Variants in NOTCH2 observed in about 807,000 individuals in gnomAD.
NOTCH2 encodes the protein notch receptor 2, also known as neurogenic locus notch homolog protein 2.
NOTCH2 carries 29 observed loss-of-function variants against 235.8 expected under a neutral mutation model. The observed-to-expected ratio is 0.12, with a 90% CI of 0.09 to 0.17. The LOEUF (loss-of-function observed/expected upper bound fraction) is 0.17. Ranked by LOEUF, NOTCH2 falls within the 10% of genes least tolerant of loss-of-function variation. NOTCH2 has a pLI of 1.00. For synonymous variants in NOTCH2, 1,086 were observed against 1,141.5 expected, an observed-to-expected ratio of 0.95 and a Z score of 0.98; for missense variants, 2,285 against 3,150.2, an observed-to-expected ratio of 0.73 and a Z score of 6.57.
intron 5 of NOTCH2, among the ~76,000 whole-genome samples, chr1:119,975,572 G>A (rs1184649487): frequency 6.6e-6 from 1 of 151,100 alleles, no homozygotes; most frequent in East Asian, 2.0e-4. Context: ...CTTGAATCCA[G>A]GAGGCGGAGG....
At chr1:120,016,155 TCA>T (rs1286878226) in intron 2 of NOTCH2, among the ~76,000 whole-genome samples, 1 of 135,564 alleles carries the variant, frequency 7.4e-6, no homozygotes, top group Non-Finnish European at 1.6e-5. Flanking sequence ...ATACAATCTC[TCA>T]CTCTCACACA....
At chr1:119,983,751 T>C (rs782315504) in intron 5 of NOTCH2, among the ~76,000 whole-genome samples, 2 of 152,224 alleles carry the variant, frequency 1.3e-5, no homozygotes, top group African/African-American at 2.4e-5. Flanking sequence ...TTTATGCTCA[T>C]CTTGAAGTGT....
At chr1:119,958,501 A>G (rs1185206844) in intron 12 of NOTCH2, among the ~76,000 whole-genome samples, 1 of 152,244 alleles carries the variant, frequency 6.6e-6, no homozygotes, top group East Asian at 1.9e-4. Context: ...AAACAACCAC[A>G]TGGAAATTAT....
intron 2 of NOTCH2, among the ~76,000 whole-genome samples, chr1:120,006,168 T>G (rs1228579137): frequency 9.1e-4 from 138 of 152,098 alleles, no homozygotes; most frequent in Non-Finnish European, 8.3e-4. Context: ...TTCTGGGTTA[T>G]GTTCAGGTGG....
chr1:119,958,732 GTGTGTGTGTC>G (rs1296944260), intron 12 of NOTCH2, among the ~76,000 whole-genome samples: 1 of 151,882 alleles, frequency 6.6e-6, no homozygotes, highest in Non-Finnish European at 1.5e-5. Flanking sequence ...GTGTGTGTGT[GTGTGTGTGTC>G]TGTGTGTGCG....
intron 1 of NOTCH2, among the ~76,000 whole-genome samples, chr1:120,047,736 T>C (rs587671644): frequency 2.1e-4 from 31 of 149,668 alleles, no homozygotes; most frequent in African/African-American, 7.4e-4. Context: ...CTGACTATTT[T>C]TGTGCTCTTG....
At chr1:119,918,828 C>T (rs587602301) in intron 31 of NOTCH2, among the ~76,000 whole-genome samples, 2 of 152,196 alleles carry the variant, frequency 1.3e-5, no homozygotes, top group Admixed American at 1.3e-4. Context: ...GGAAATATCA[C>T]AACTTCAGTC....
chr1:119,924,009 G>A (rs751150233), intron 25 of NOTCH2, 25 bp from the exon 26 acceptor site: 1 of 1,571,492 alleles, frequency 6.4e-7, no homozygotes, highest in Non-Finnish European at 8.8e-7. Context: ...GCAGAGAACA[G>A]GCAAAAGAGC....
chr1:119,940,200 C>A (rs782540650), intron 19 of NOTCH2, among the ~76,000 whole-genome samples: 7 of 152,124 alleles, frequency 4.6e-5, no homozygotes, highest in Non-Finnish European at 1.0e-4. Context: ...TTGCATCTGA[C>A]CTTTAAAAGG....
At chr1:120,067,295 A>G (rs1400361823) in intron 1 of NOTCH2, among the ~76,000 whole-genome samples, 3 of 147,030 alleles carry the variant, frequency 2.0e-5, no homozygotes, top group Non-Finnish European at 4.5e-5. Context: ...ACACCTGTCT[A>G]AAAATCAAAA....
chr1:120,023,204 G>A (rs1339368249), intron 2 of NOTCH2, among the ~76,000 whole-genome samples: 6 of 151,302 alleles, frequency 4.0e-5, no homozygotes, highest in Non-Finnish European at 5.9e-5. Flanking sequence ...TTGGGAGGCC[G>A]AGGCGGGCAG....
At chr1:119,974,218 C>T (rs782319665) in intron 5 of NOTCH2, among the ~76,000 whole-genome samples, 4 of 152,182 alleles carry the variant, frequency 2.6e-5, no homozygotes, top group South Asian at 4.1e-4. Flanking sequence ...TGTGTCAACA[C>T]ACAAACTTTG....
chr1:120,015,954 C>CAA (rs142931224), intron 2 of NOTCH2, among the ~76,000 whole-genome samples: 3 of 108,328 alleles, frequency 2.8e-5, no homozygotes, highest in African/African-American at 1.0e-4. Context: ...CCCCTTCTCT[C>CAA]AAAAAAAAAA....
At chr1:120,017,557 C>A (rs1413750145) in intron 2 of NOTCH2, among the ~76,000 whole-genome samples, 1 of 151,962 alleles carries the variant, frequency 6.6e-6, no homozygotes, top group Non-Finnish European at 1.5e-5. Context: ...GGAATCTTTA[C>A]CCCTTAAAAA....
chr1:119,925,766 T>C lies in NOTCH2; in HGVS notation c.4050A>G (p.Lys1350=). The C allele has an allele frequency of 6.2e-7, 1 of 1,614,124 alleles. No individual in the cohort carries two copies. Among genetic ancestry groups the C allele is most frequent in the Non-Finnish European group, 8.5e-7 (1 of 1,180,026 alleles). The stretch of plus-strand genomic sequence containing the variant: ...GCACACACTGCTCCCCCTTCCTACA[T>C]TTCACTTGTCCACAGCTGCTCTGGC... ...ARCQSSCGQV[K]CRKGEQCVHT... Residue 1350 remains lysine, a synonymous_variant, in exon 25 of 34, where the codon AAA becomes AAG. Transcript: ENST00000256646.
intron 2 of NOTCH2, among the ~76,000 whole-genome samples, chr1:120,018,174 TGAAAAA>T (rs1341098856): frequency 6.9e-6 from 1 of 145,930 alleles, no homozygotes; most frequent in African/African-American, 2.5e-5. Flanking sequence ...ATACCAAAAA[TGAAAAA>T]GAAATAGTGC....
chr1:119,948,323 C>A, intron 17 of NOTCH2, 91 bp downstream of exon 17: 1 of 1,378,432 alleles, frequency 7.3e-7, no homozygotes, highest in Non-Finnish European at 1.0e-6. Context: ...CAATGTCAGG[C>A]GTGAAAGGCG....
chr1:119,968,497 TAAG>T (rs1651237951), intron 6 of NOTCH2, among the ~76,000 whole-genome samples: 1 of 152,196 alleles, frequency 6.6e-6, no homozygotes, highest in South Asian at 2.1e-4. Context: ...GGCCAGAAGA[TAAG>T]AAGACGGAGA....
In NOTCH2 at chr1:119,925,624, A is replaced by G. The variant is rs1247582500; in HGVS notation, c.4192T>C (p.Tyr1398His). 1.9e-6 allele frequency: 3 copies of G among 1,613,624 alleles called. No individual in the cohort carries two copies. Among genetic ancestry groups the G allele is most frequent in the Non-Finnish European group, 2.5e-6 (3 of 1,179,816 alleles). ...SCHPQRQPPY[Y>H]SCQCAPPFSG... ...AATGGTGGGGCACACTGGCAGGAGT[A>G]ATAAGGAGGCTGGCGCTGAGGGTGG... is the stretch of plus-strand genomic sequence containing the variant. Residue 1398 changes from tyrosine to histidine, a missense_variant, in exon 25 of 34, where the codon TAC (tyrosine) becomes CAC (histidine). Tyr to His is a moderately conservative substitution (Grantham distance 83, BLOSUM62 2). Around this residue, in one of 6 missense-constraint regions of NOTCH2, gnomAD observed 1,173 missense variants for 1,515.3 expected, o/e 0.77. Coordinates refer to ENST00000256646, the MANE Select transcript of NOTCH2 (RefSeq NM_024408.4).
Sources: gnomAD v4.1 joint callset for allele counts (sites outside exome capture counted in the v4.1 genomes callset) on GRCh38, gnomAD v4.1.1 for gene constraint, gnomAD v4.1.1 regional missense constraint, MANE v1.5 for transcripts, NCBI Gene and HGNC (gene_info 2026-07-23, HGNC 2026-07-21) for gene names.